Variants in DENND3 observed in about 807,000 individuals in gnomAD.
The protein encoded by DENND3 is DENN domain-containing protein 3.
A neutral mutation model predicts 135.1 loss-of-function variants in DENND3; 88 were observed. The observed-to-expected ratio is 0.65, with a 90% CI of 0.55 to 0.78. The LOEUF (loss-of-function observed/expected upper bound fraction) is 0.78. Ranked by LOEUF, DENND3 falls within the 30% of genes least tolerant of loss-of-function variation. The probability of loss-of-function intolerance (pLI) is 0.00; values close to 1 mark genes in which losing one functional copy is unlikely to be tolerated. For synonymous variants in DENND3, 693 were observed against 712.3 expected (o/e 0.97, Z 0.43); for missense variants, 1,392 against 1,688.4 (o/e 0.82, Z 3.08).
At chr8:141,158,622 C>T (rs1410170592) in intron 8 of DENND3, among the ~76,000 whole-genome samples, 2 of 152,162 alleles carry the variant, frequency 1.3e-5, no homozygotes, top group Non-Finnish European at 2.9e-5. Context: ...GCTGCGGTGT[C>T]GTTGGGGTGC....
intron 13 of DENND3, among the ~76,000 whole-genome samples, chr8:141,170,403 A>ATGTGTATGTG (rs1309170409): frequency 6.6e-6 from 1 of 151,870 alleles, no homozygotes; most frequent in African/African-American, 2.4e-5. Flanking sequence ...GGGTGTGAAA[A>ATGTGTATGTG]TGTGTATGTG....
intron 22 of DENND3, chr8:141,192,962 C>A: frequency 8.0e-7 from 1 of 1,257,416 alleles, no homozygotes; most frequent in Non-Finnish European, 1.0e-6. Flanking sequence ...ACCAAGGTGT[C>A]GGCAGAGCCG....
At chr8:141,186,811 GCGGCCCC>G (rs1392957754) in intron 18 of DENND3, among the ~76,000 whole-genome samples, 5 of 152,148 alleles carry the variant, frequency 3.3e-5, no homozygotes, top group Non-Finnish European at 7.4e-5. Flanking sequence ...CAGGCCCCCA[GCGGCCCC>G]TCCTGCCTGC....
At position 141,128,746 on chromosome 8, in the gene DENND3, G is replaced by A. The variant is rs892402984; in HGVS notation, c.39G>A (p.Ser13=). ...EAASPHLSLP[S]GLLELCALLG... is the part of the protein sequence containing the mutation. ...CGTCGCCGCACTTGTCGCTGCCCTC[G>A]GGGCTGCTGGAGCTCTGCGCGCTGC... is the stretch of plus-strand genomic sequence containing the variant. Residue 13 remains serine (S), a synonymous_variant, in exon 1 of 23, where the codon TCG becomes TCA. Coordinates refer to ENST00000519811, the MANE Select transcript of DENND3 (RefSeq NM_001352890.3). This position sits in a 1 kb window ranked among gnomAD's most constrained non-coding sequence, Gnocchi z 4.5. The A allele has an allele frequency of 2.7e-6, 4 of 1,456,468 alleles. No individual in the cohort carries two copies. The African/African-American group carries it at 5.9e-5, about 21-fold the overall frequency. The allele number at this position is 1,456,468 out of a possible 1,614,324, so 90.2% of individuals were successfully genotyped here.
intron 15 of DENND3, chr8:141,177,047 G>C: frequency 2.5e-6 from 1 of 403,142 alleles, no homozygotes. Flanking sequence ...CGACATCCCA[G>C]AGAGTGGGGC....
rs535900675 is a variant in DENND3 at position 141,138,511 on chromosome 8, G to A, written c.501+374G>A. On this transcript the variant is annotated intron_variant, in intron 3 of 22. Coordinates refer to ENST00000519811, the MANE Select transcript of DENND3 (RefSeq NM_001352890.3). This position sits in a 1 kb window ranked among gnomAD's most constrained non-coding sequence, Gnocchi z 4.8. ...AGTGGTTCTCCTGCCTCAGCCTCCCGAGTAGCTGGGATTACAGGTGCCCAC... is the reference window on the plus strand; with the variant it reads ...AGTGGTTCTCCTGCCTCAGCCTCCCAAGTAGCTGGGATTACAGGTGCCCAC... 1.3e-5 allele frequency among the ~76,000 whole-genome samples: 2 copies of A among 151,800 alleles called. No homozygotes were observed. The highest frequency in any genetic ancestry group is 2.9e-5 in the Non-Finnish European group (2 of 67,962).
At chr8:141,163,293 A>T in intron 9 of DENND3, 40 bp from the exon 10 acceptor site, 1 of 1,252,508 alleles carries the variant, frequency 8.0e-7, no homozygotes, top group Non-Finnish European at 1.1e-6. Context: ...TCATGTATTT[A>T]AGAAAGTTTT....
At chr8:141,150,268 C>T (rs1818633232) in intron 5 of DENND3, 4 of 1,263,050 alleles carry the variant, frequency 3.2e-6, no homozygotes, top group Non-Finnish European at 4.1e-6. Context: ...ACCTTCTCCT[C>T]TGGATTTCCT....
chr8:141,191,660 C>CT (rs1387880909), intron 20 of DENND3: 2 of 152,414 alleles, frequency 1.3e-5, no homozygotes, highest in African/African-American at 4.8e-5. Flanking sequence ...GCTGAGCACT[C>CT]TGTCGTGTGC....
At chr8:141,150,320 C>T (rs1162816234) in intron 5 of DENND3, 6 of 1,282,294 alleles carry the variant, frequency 4.7e-6, no homozygotes, top group Non-Finnish European at 6.1e-6. Context: ...TCTGTGAATA[C>T]AGAATTTGAA....
At chr8:141,180,979 G>A (rs757864516) in intron 17 of DENND3, 125 bp downstream of exon 17, 1 of 733,914 alleles carries the variant, frequency 1.4e-6, no homozygotes, top group Non-Finnish European at 2.2e-6. Flanking sequence ...GGGACAAGGT[G>A]CCTGTTGCTT....
At chr8:141,157,283 A>G (rs977249107) in intron 8 of DENND3, 92 of 984,914 alleles carry the variant, frequency 9.3e-5, no homozygotes, top group Non-Finnish European at 1.0e-4. Flanking sequence ...GAGGAGGTGT[A>G]ATTGCTAATT....
chr8:141,180,718 A>G, intron 16 of DENND3, 29 bp from the exon 17 acceptor site: 2 of 1,599,640 alleles, frequency 1.3e-6, no homozygotes, highest in Non-Finnish European at 1.7e-6. Context: ...AGGCTGCAAC[A>G]GTAACACTCC....
intron 19 of DENND3, among the ~76,000 whole-genome samples, chr8:141,189,406 C>T (rs1015433284): frequency 5.9e-5 from 9 of 152,236 alleles, no homozygotes; most frequent in Non-Finnish European, 1.2e-4. Flanking sequence ...GCTGTGGGCA[C>T]TGTGGCATGG....
intron 1 of DENND3, among the ~76,000 whole-genome samples, chr8:141,135,843 T>A (rs886357344): frequency 6.6e-6 from 1 of 152,196 alleles, no homozygotes; most frequent in African/African-American, 2.4e-5. Flanking sequence ...TTTTATTGAT[T>A]TGAGGGACTG....
chr8:141,177,790 G>A (rs1822584674), intron 15 of DENND3: 1 of 321,584 alleles, frequency 3.1e-6, no homozygotes. Context: ...CAGGCAGTGG[G>A]TGATCTCAGC....
rs370115652 is a variant in DENND3 at position 141,151,589 on chromosome 8, T to C, written c.856-30T>C. The stretch of plus-strand genomic sequence containing the variant: ...TGTATTTTTTTTTTTTTTAAAAGCA[T>C]GTACTCAGTGCGGCGGGTTCTCCCC... On this transcript the variant is annotated intron_variant, in intron 6 of 22. Coordinates refer to ENST00000519811, the MANE Select transcript of DENND3 (RefSeq NM_001352890.3). 9.3e-5 allele frequency: 148 copies of C among 1,592,330 alleles called. No homozygotes were observed. The South Asian group carries it at 1.3e-3, about 14-fold the overall frequency.
rs1331640141 is a variant in DENND3 at position 141,137,524 on chromosome 8, C to A, written c.386-498C>A. On this transcript the variant is annotated intron_variant, in intron 2 of 22. Coordinates refer to ENST00000519811, the MANE Select transcript of DENND3 (RefSeq NM_001352890.3). The surrounding 1 kb of genome is among the most constrained non-coding windows in gnomAD (Gnocchi z 4.1). ...CCAGTGTGCCTGAGCCTCTCCCTTC[C>A]ACCTCCCGTTTTCCGTTTCACTGGG... Among the ~76,000 whole-genome samples, 1 of 152,200 alleles carries A rather than the reference C, an allele frequency of 6.6e-6. No homozygotes were observed. Among genetic ancestry groups the A allele is most frequent in the Non-Finnish European group, 1.5e-5 (1 of 68,032 alleles).
In DENND3 at chr8:141,180,836, G is replaced by T. The variant is rs764703669; in HGVS notation, c.2926G>T (p.Val976Leu). 5 of 1,612,464 alleles carry T rather than the reference G, an allele frequency of 3.1e-6. No homozygotes were observed. Among genetic ancestry groups the T allele is most frequent in the East Asian group, 2.2e-5 (1 of 44,870 alleles). Residue 976 changes from valine (V) to leucine (L), a missense_variant, in exon 17 of 23, where the codon GTG (valine) becomes TTG (leucine). By Grantham distance (32) the Val-to-Leu change is conservative. Transcript: ENST00000519811. ...AGEAFPQAVD[V>L]LLYTPGHLDP... The stretch of plus-strand genomic sequence containing the variant: ...GGAGGCGTTCCCACAAGCGGTGGAC[G>T]TGCTGCTCTACACTCCAGGTAAGGC...
Sources: gnomAD v4.1 joint callset for allele counts (sites outside exome capture counted in the v4.1 genomes callset) on GRCh38, gnomAD v4.1.1 for gene constraint, Gnocchi (gnomAD v3.1) non-coding constraint, MANE v1.5 for transcripts, NCBI Gene and HGNC (gene_info 2026-07-23, HGNC 2026-07-21) for gene names.